Variants in UNC50 observed in about 807,000 individuals in gnomAD.
UNC50 encodes protein unc-50 homolog.
Under a neutral mutation model 31.5 loss-of-function variants are expected in UNC50, and 24 were observed. That is an observed-to-expected ratio of 0.76 (90% CI 0.55 to 1.07). UNC50 has a LOEUF of 1.07. Among genes scored for constraint, UNC50 ranks in the 50% least tolerant of loss-of-function variants. UNC50 has a pLI of 0.00. For synonymous variants in UNC50, 118 were observed against 114.7 expected, an observed-to-expected ratio of 1.03 and a Z score of -0.18; for missense variants, 245 against 304.2, an observed-to-expected ratio of 0.81 and a Z score of 1.45.
intron 3 of UNC50, among the ~76,000 whole-genome samples, chr2:98,614,297 G>C (rs1426289726): frequency 1.3e-5 from 2 of 152,166 alleles, no homozygotes; most frequent in Non-Finnish European, 2.9e-5. Flanking sequence ...GGATTCGAGA[G>C]CTTCCTGAGA....
intron 2 of UNC50, among the ~76,000 whole-genome samples, chr2:98,610,541 C>T (rs908151419): frequency 1.2e-4 from 18 of 152,154 alleles, no homozygotes; most frequent in African/African-American, 4.3e-4. Flanking sequence ...TCTACACTGG[C>T]GTTCTAAATA....
At chr2:98,615,424 C>T (rs1700904858) in intron 3 of UNC50, among the ~76,000 whole-genome samples, 1 of 152,200 alleles carries the variant, frequency 6.6e-6, no homozygotes, top group Non-Finnish European at 1.5e-5. Context: ...ACCACTCTTC[C>T]CACAGCCAGC....
At position 98,608,648 on chromosome 2, in the gene UNC50, C is replaced by T. The variant is rs926673197; in HGVS notation, c.-83C>T. 1.6e-5 allele frequency: 9 copies of T among 561,778 alleles called. No homozygotes were observed. Among genetic ancestry groups the T allele is most frequent in the Non-Finnish European group, 2.9e-5 (9 of 315,232 alleles). The allele number at this position is 561,778 out of a possible 1,614,324, so 34.8% of individuals were successfully genotyped here. On this transcript the variant is annotated 5_prime_UTR_variant, in exon 1 of 6. Transcript: ENST00000357765. ...TCCGTTGAGGGAAGGGAAGCCCGCC[C>T]GGTGGCGGCTGGGGTCGGCTGCTGG...
At position 98,618,271 on chromosome 2, in the gene UNC50, T is replaced by G. The variant is rs1419652275; in HGVS notation, c.747T>G (p.Thr249=). 1.2e-6 allele frequency: 2 copies of G among 1,609,376 alleles called. No homozygotes were observed. Among genetic ancestry groups the G allele is most frequent in the Admixed American group, 1.7e-5 (1 of 58,640 alleles). ...CACTGGGATGGAACTTCACCCATAC[T>G]CTCTGTTCTTTCTATAAGTACAGAG... ...SLALGWNFTH[T]LCSFYKYRVK Residue 249 remains threonine (T), a synonymous_variant, in exon 6 of 6, where the codon ACT becomes ACG. Coordinates refer to ENST00000357765, the MANE Select transcript of UNC50 (RefSeq NM_014044.7).
At chr2:98,610,160 G>A in intron 2 of UNC50, 121 bp downstream of exon 2, 1 of 1,120,044 alleles carries the variant, frequency 8.9e-7, no homozygotes, top group Non-Finnish European at 1.3e-6. Flanking sequence ...TTTTACTGAA[G>A]CCTCAAAAAA....
At chr2:98,609,595 C>A in intron 1 of UNC50, 161 bp from the exon 2 acceptor site, 1 of 1,130,948 alleles carries the variant, frequency 8.8e-7, no homozygotes, top group South Asian at 1.5e-5. Context: ...CCCCAAGACC[C>A]GCCTCAGAAC....
intron 1 of UNC50, chr2:98,609,549 T>C: frequency 1.5e-6 from 1 of 684,814 alleles, no homozygotes; most frequent in Non-Finnish European, 2.5e-6. Context: ...GGTGGGCTGT[T>C]GCCCTTGCCT....
At position 98,609,780 on chromosome 2, in the gene UNC50, G is replaced by A. The variant is rs752017912; in HGVS notation, c.21G>A (p.Val7=). The A allele has an allele frequency of 6.2e-7, 1 of 1,614,234 alleles. No individual in the cohort carries two copies. Among genetic ancestry groups the A allele is most frequent in the Non-Finnish European group, 8.5e-7 (1 of 1,180,048 alleles). Residue 7 remains valine, a synonymous_variant, in exon 2 of 6, where the codon GTG becomes GTA. Coordinates refer to ENST00000357765, the MANE Select transcript of UNC50 (RefSeq NM_014044.7). The part of the protein sequence containing the change: MLPSTS[V]NSLVQGNGVL... ...GGAAGATGTTACCGAGTACTTCAGT[G>A]AATTCCTTAGTGCAGGGGAACGGAG...
Position 98,618,384 on chromosome 2 carries a change from T to TATCA in UNC50, c.*81_*84dup, listed in dbSNP as rs780600381. ...TTTCTTGTAAAACTTGTAAATAAAC[T>TATCA]ATCATCTTTGTAGATATCTTAAAGG... is the stretch of plus-strand genomic sequence containing the variant. On this transcript the variant is annotated 3_prime_UTR_variant, in exon 6 of 6. Transcript: ENST00000357765. 119 of 1,435,242 alleles carry TATCA rather than the reference T, an allele frequency of 8.3e-5. No individual in the cohort carries two copies. Among genetic ancestry groups the TATCA allele is most frequent in the East Asian group, 1.5e-4 (6 of 41,232 alleles). 88.9% of individuals were successfully genotyped at this position (1,435,242 alleles called of 1,614,324 possible). A position where few individuals can be genotyped will look rare whatever the true frequency, so the allele number is the denominator to read the frequency against.
intron 1 of UNC50, 37 bp downstream of exon 1, chr2:98,608,763 G>C: frequency 3.1e-6 from 1 of 320,712 alleles, no homozygotes; most frequent in South Asian, 2.9e-5. Flanking sequence ...CCCGCGGCCC[G>C]GGCTCGCGCC....
intron 2 of UNC50, among the ~76,000 whole-genome samples, chr2:98,610,405 AACTG>A (rs1473626280): frequency 6.6e-6 from 1 of 152,240 alleles, no homozygotes; most frequent in Non-Finnish European, 1.5e-5. Context: ...GAACCTGAGA[AACTG>A]AAGTTCTCCA....
At chr2:98,616,106 G>A (rs1201196221) in intron 3 of UNC50, 101 bp from the exon 4 acceptor site, 2 of 1,209,308 alleles carry the variant, frequency 1.7e-6, no homozygotes, top group African/African-American at 1.5e-5. Flanking sequence ...TTTGTTTACT[G>A]GTATATCTCC....
rs770378731 is a variant in UNC50, at chr2:98,609,840, C to T, written c.81C>T (p.Ala27=). The change falls in exon 2 of 6, where the codon GCC becomes GCT. Residue 27 remains alanine, a synonymous_variant. Coordinates refer to ENST00000357765, the MANE Select transcript of UNC50 (RefSeq NM_014044.7). ...CCAGGGATGCGGCAAGACACACAGC[C>T]GGAGCGAAACGCTACAAATATCTGA... The part of the protein sequence containing the change: ...LNSRDAARHT[A]GAKRYKYLRR... 34 of 1,614,052 alleles carry T rather than the reference C, an allele frequency of 2.1e-5. No individual in the cohort carries two copies. In the East Asian group the frequency reaches 5.3e-4, roughly 25 times the overall value.
chr2:98,608,633 G>A lies in UNC50; in HGVS notation c.-98G>A, dbSNP rs975861759. On this transcript the variant is annotated 5_prime_UTR_variant, in exon 1 of 6. Transcript: ENST00000357765. The stretch of plus-strand genomic sequence containing the variant: ...GCCCCAAGGGCCGGCTCCGTTGAGG[G>A]AAGGGAAGCCCGCCCGGTGGCGGCT... 3.4e-6 allele frequency: 2 copies of A among 580,314 alleles called. No individual in the cohort carries two copies. The highest frequency in any genetic ancestry group is 2.0e-5 in the South Asian group (1 of 50,238). The allele number at this position is 580,314 out of a possible 1,614,324, so 35.9% of individuals were successfully genotyped here.
At chr2:98,611,160 A>G (rs1325591358) in intron 3 of UNC50, among the ~76,000 whole-genome samples, 1 of 152,252 alleles carries the variant, frequency 6.6e-6, no homozygotes, top group Admixed American at 6.5e-5. Flanking sequence ...GATCGGTCTC[A>G]ATTTAGAAAG....
chr2:98,609,880 T>G lies in UNC50; in HGVS notation c.121T>G (p.Phe41Val), dbSNP rs1466970532. 3.1e-6 allele frequency: 5 copies of G among 1,614,080 alleles called. No homozygotes were observed. The highest frequency in any genetic ancestry group is 1.3e-5 in the African/African-American group (1 of 74,930). ...RYKYLRRLFR[F>V]RQMDFEFAAW... is the part of the protein sequence containing the mutation. ...CAAATATCTGAGAAGGCTTTTCCGCTTTCGGCAAATGGACTTTGAATTTGC... is the reference window on the plus strand; with the variant it reads ...CAAATATCTGAGAAGGCTTTTCCGCGTTCGGCAAATGGACTTTGAATTTGC... The change falls in exon 2 of 6, where the codon TTT becomes GTT. Residue 41 changes from phenylalanine to valine, a missense_variant. Coordinates refer to ENST00000357765, the MANE Select transcript of UNC50 (RefSeq NM_014044.7).
Position 98,616,481 on chromosome 2 carries a change from A to G in UNC50, c.591A>G (p.Leu197=). Residue 197 remains leucine, a synonymous_variant, in exon 5 of 6, where the codon TTA becomes TTG. Transcript: ENST00000357765. The part of the protein sequence containing the change: ...TFIGYLVGNT[L]WLVAVGYYIY... Reference sequence around the variant, plus strand: ...TTGGATATTTAGTTGGAAATACCTTATGGTTGGTTGCAGTTGGCTATTATA... The same window carrying G: ...TTGGATATTTAGTTGGAAATACCTTGTGGTTGGTTGCAGTTGGCTATTATA... The G allele has an allele frequency of 6.2e-7, 1 of 1,614,038 alleles. No homozygotes were observed. The highest frequency in any genetic ancestry group is 8.5e-7 in the Non-Finnish European group (1 of 1,179,962).
rs748992491 is a variant in UNC50 at position 98,609,821 on chromosome 2, A to T, written c.62A>T (p.Asp21Val). 5.0e-6 allele frequency: 8 copies of T among 1,614,230 alleles called. No homozygotes were observed. The highest frequency in any genetic ancestry group is 6.8e-6 in the Non-Finnish European group (8 of 1,180,040). ...VQGNGVLNSRDAARHTAGAKR... is the reference protein window; with the variant it reads ...VQGNGVLNSRVAARHTAGAKR... The stretch of plus-strand genomic sequence containing the variant: ...GGGAACGGAGTCTTGAATTCCAGGG[A>T]TGCGGCAAGACACACAGCCGGAGCG... The change falls in exon 2 of 6, where the codon GAT (aspartate) becomes GTT (valine). Residue 21 changes from aspartate to valine, a missense_variant. Asp to Val is a radical substitution (Grantham distance 152). Coordinates refer to ENST00000357765, the MANE Select transcript of UNC50 (RefSeq NM_014044.7).
intron 1 of UNC50, chr2:98,608,998 C>T (rs1388076916): frequency 6.2e-6 from 1 of 161,550 alleles, no homozygotes; most frequent in Non-Finnish European, 1.3e-5. Flanking sequence ...TGTCTGAAAT[C>T]CAAATGGAGC....
Sources: gnomAD v4.1 joint callset for allele counts (sites outside exome capture counted in the v4.1 genomes callset) on GRCh38, gnomAD v4.1.1 for gene constraint, MANE v1.5 for transcripts, NCBI Gene and HGNC (gene_info 2026-07-23, HGNC 2026-07-21) for gene names.